Variants in DISC1 observed in about 807,000 individuals in gnomAD.
DISC1 encodes the protein disrupted in schizophrenia 1 protein.
Under a neutral mutation model 84.5 loss-of-function variants are expected in DISC1, and 57 were observed. That is an observed-to-expected ratio of 0.67 (90% CI 0.55 to 0.84). DISC1 has a LOEUF of 0.84. Among genes scored for constraint, DISC1 ranks in the 40% least tolerant of loss-of-function variants. The pLI is 0.00. For missense variants in DISC1, 1,000 were observed against 1,057.8 expected (o/e 0.95, Z 0.76); for synonymous variants, 411 against 415.2 (o/e 0.99, Z 0.12).
chr1:231,733,713 A>C (rs62643977), intron 3 of DISC1, among the ~76,000 whole-genome samples: 1 of 94,048 alleles, frequency 1.1e-5, no homozygotes. Flanking sequence ...TAGGAATGGT[A>C]GTGGTGGTGG....
chr1:231,836,373 C>T (rs576745426), intron 9 of DISC1, among the ~76,000 whole-genome samples: 2 of 152,080 alleles, frequency 1.3e-5, no homozygotes, highest in East Asian at 3.9e-4. Context: ...AGAGAAAGGT[C>T]GTCCCTGTCC....
intron 1 of DISC1, among the ~76,000 whole-genome samples, chr1:231,635,165 A>C (rs2059090435): frequency 6.6e-6 from 1 of 151,932 alleles, no homozygotes; most frequent in Admixed American, 6.6e-5. Flanking sequence ...TGCTGCCAGG[A>C]CAGTCCTCAC....
intron 4 of DISC1, among the ~76,000 whole-genome samples, chr1:231,754,962 T>G (rs1382834854): frequency 1.3e-5 from 2 of 152,218 alleles, no homozygotes; most frequent in African/African-American, 4.8e-5. Context: ...CACTGTGACC[T>G]GATTTCTGTC....
intron 4 of DISC1, among the ~76,000 whole-genome samples, chr1:231,757,375 A>C (rs1382534677): frequency 6.6e-6 from 1 of 152,202 alleles, no homozygotes; most frequent in Non-Finnish European, 1.5e-5. Context: ...AAGATTTAAG[A>C]AGCTGTAAAC....
intron 9 of DISC1, among the ~76,000 whole-genome samples, chr1:231,877,672 T>C (rs1055325355): frequency 6.6e-6 from 1 of 152,242 alleles, no homozygotes; most frequent in Non-Finnish European, 1.5e-5. Flanking sequence ...TTAGGTATAC[T>C]CTATGAGACT....
At chr1:231,934,857 A>T (rs138325138) in intron 9 of DISC1, among the ~76,000 whole-genome samples, 21 of 152,238 alleles carry the variant, frequency 1.4e-4, no homozygotes, top group Non-Finnish European at 2.9e-4. Context: ...GGCAGAGCTT[A>T]ATTCTGGATT....
At chr1:231,796,524 A>C (rs2078781549) in intron 7 of DISC1, among the ~76,000 whole-genome samples, 1 of 152,056 alleles carries the variant, frequency 6.6e-6, no homozygotes, top group South Asian at 2.1e-4. Context: ...GATGTTGGCA[A>C]AAATGTCTGG....
Position 231,800,226 on chromosome 1 carries a change from G to C in DISC1, c.1792+16G>C. The C allele has an allele frequency of 6.3e-7, 1 of 1,597,358 alleles. No individual in the cohort carries two copies. The highest frequency in any genetic ancestry group is 8.6e-7 in the Non-Finnish European group (1 of 1,166,378). On this transcript the variant is annotated intron_variant, in intron 8 of 12. Coordinates refer to ENST00000439617, the MANE Select transcript of DISC1 (RefSeq NM_018662.3). ...GCCATATCAGGTAACTGGCAGTGTA[G>C]GAGACGTTGAAGCTATCCAACTAAA...
chr1:232,019,753 G>A (rs1009430031), intron 11 of DISC1, among the ~76,000 whole-genome samples: 15 of 152,212 alleles, frequency 9.9e-5, no homozygotes, highest in Admixed American at 7.2e-4. Flanking sequence ...CATTCTCGCC[G>A]CCTTTCCCAT....
At position 231,674,104 on chromosome 1, in the gene DISC1, C is replaced by T. The variant is rs2125485932; in HGVS notation, c.68-19722C>T. ...TCTTAAAAATAAGGTGATAATGATCCTTACCTCATTCAGTTTTGGCGAGGA... is the reference window on the plus strand; with the variant it reads ...TCTTAAAAATAAGGTGATAATGATCTTTACCTCATTCAGTTTTGGCGAGGA... On this transcript the variant is annotated intron_variant, in intron 1 of 12. Coordinates refer to ENST00000439617, the MANE Select transcript of DISC1 (RefSeq NM_018662.3). 2.0e-5 allele frequency among the ~76,000 whole-genome samples: 3 copies of T among 152,292 alleles called. No individual in the cohort carries two copies. The Middle Eastern group carries it at 0.01, about 518-fold the overall frequency.
intron 10 of DISC1, among the ~76,000 whole-genome samples, chr1:231,963,511 G>A (rs1660676172): frequency 6.6e-6 from 1 of 151,908 alleles, no homozygotes; most frequent in Admixed American, 6.6e-5. Flanking sequence ...GTGCCCTGGT[G>A]GGCCTCTCCC....
Position 231,762,541 on chromosome 1 carries a change from A to G in DISC1, c.1269-4599A>G, listed in dbSNP as rs1438651278. On this transcript the variant is annotated intron_variant, in intron 4 of 12. Coordinates refer to ENST00000439617, the MANE Select transcript of DISC1 (RefSeq NM_018662.3). ...TTTTTTTTTTTTTTTGGTAGAGATA[A>G]GGTCTCACTGTCTTGCCCAGGCTGG... is the stretch of plus-strand genomic sequence containing the variant. Among the ~76,000 whole-genome samples, 3 of 140,574 alleles carry G rather than the reference A, an allele frequency of 2.1e-5. No individual in the cohort carries two copies. The East Asian group carries it at 6.5e-4, about 31-fold the overall frequency. 92.2% of individuals were successfully genotyped at this position (140,574 alleles called of 152,430 possible).
chr1:231,819,696 G>A (rs1340886132), intron 9 of DISC1, among the ~76,000 whole-genome samples: 1 of 152,092 alleles, frequency 6.6e-6, no homozygotes, highest in Non-Finnish European at 1.5e-5. Context: ...CCGCAGCCTG[G>A]TTTACTCTGT....
chr1:231,948,304 A>C (rs960529675), intron 9 of DISC1, among the ~76,000 whole-genome samples: 2 of 152,188 alleles, frequency 1.3e-5, no homozygotes, highest in Non-Finnish European at 2.9e-5. Flanking sequence ...TGTCCTTTGC[A>C]GGGAGATGGA....
chr1:231,957,687 G>T (rs921740361), intron 9 of DISC1, among the ~76,000 whole-genome samples: 1 of 152,152 alleles, frequency 6.6e-6, no homozygotes, highest in Non-Finnish European at 1.5e-5. Context: ...TTAAACAGTT[G>T]TTTTCATTGT....
intron 9 of DISC1, among the ~76,000 whole-genome samples, chr1:231,881,433 C>G (rs2086283781): frequency 6.6e-6 from 1 of 152,168 alleles, no homozygotes; most frequent in Non-Finnish European, 1.5e-5. Context: ...GGTCTTCCCT[C>G]TGTATCTGTA....
At chr1:231,921,106 G>A (rs935868571) in intron 9 of DISC1, among the ~76,000 whole-genome samples, 1 of 151,928 alleles carries the variant, frequency 6.6e-6, no homozygotes, top group Non-Finnish European at 1.5e-5. Context: ...AGTAGAGACG[G>A]GGTTTCACCA....
rs1558717569 is a variant in DISC1 at position 231,907,130 on chromosome 1, CCT to C, written c.1982-51695_1982-51694del. Among the ~76,000 whole-genome samples, 494 of 55,524 alleles carry C rather than the reference CCT, an allele frequency of 8.9e-3. 115 individuals carry two copies. The highest frequency in any genetic ancestry group is 0.029 in the South Asian group (37 of 1,288). 36.4% of individuals were successfully genotyped at this position (55,524 alleles called of 152,430 possible). ...TCTCTCCTTCCTTCCTTCCTTCCTT[CCT>C]CTTTCTTTCTTTCTTTCTTTCTTTC... On this transcript the variant is annotated intron_variant, in intron 9 of 12. Coordinates refer to ENST00000439617, the MANE Select transcript of DISC1 (RefSeq NM_018662.3).
intron 10 of DISC1, among the ~76,000 whole-genome samples, chr1:231,963,112 G>A (rs1294207592): frequency 2.6e-5 from 4 of 152,082 alleles, no homozygotes; most frequent in Admixed American, 2.0e-4. Flanking sequence ...GATGTCCTAA[G>A]CATAAAGCCT....
Sources: allele counts gnomAD v4.1 joint callset (sites outside exome capture counted in the v4.1 genomes callset), GRCh38; gene constraint gnomAD v4.1.1; transcripts MANE v1.5; gene names NCBI Gene and HGNC (gene_info 2026-07-23, HGNC 2026-07-21).